Variants in DLGAP1 observed in about 807,000 individuals in gnomAD.
DLGAP1 encodes the protein DLG associated protein 1.
In DLGAP1, 11 loss-of-function variants were observed where a neutral mutation model predicts 90.8. The observed-to-expected ratio is 0.12, with a 90% CI of 0.08 to 0.20. The LOEUF is 0.20. Ranked by LOEUF, DLGAP1 falls within the 10% of genes least tolerant of loss-of-function variation. The pLI is 1.00. For synonymous variants in DLGAP1, 558 were observed against 540.7 expected, an observed-to-expected ratio of 1.03 and a Z score of -0.44; for missense variants, 1,050 against 1,333.8, an observed-to-expected ratio of 0.79 and a Z score of 3.31.
intron 3 of DLGAP1, among the ~76,000 whole-genome samples, chr18:3,975,493 A>T (rs763652458): frequency 6.6e-6 from 1 of 152,176 alleles, no homozygotes. Context: ...CCTTGAACGC[A>T]CTCACTGTGG....
At chr18:3,928,157 C>G (rs146118149) in intron 3 of DLGAP1, among the ~76,000 whole-genome samples, 3 of 152,308 alleles carry the variant, frequency 2.0e-5, no homozygotes, top group Non-Finnish European at 4.4e-5. Context: ...TTGTATCTAT[C>G]TGCATTTGTA....
At chr18:3,805,267 T>C (rs1246313263) in intron 5 of DLGAP1, among the ~76,000 whole-genome samples, 4 of 152,240 alleles carry the variant, frequency 2.6e-5, no homozygotes, top group Non-Finnish European at 5.9e-5. Context: ...ACAAGTGTTC[T>C]GTGCTTGTAA....
intron 1 of DLGAP1, among the ~76,000 whole-genome samples, chr18:4,198,868 T>A (rs2077553350): frequency 6.6e-6 from 1 of 152,216 alleles, no homozygotes; most frequent in African/African-American, 2.4e-5. Context: ...TCATTCTTAT[T>A]AACTTGCATT....
chr18:4,159,761 A>G (rs2144494574), intron 1 of DLGAP1, among the ~76,000 whole-genome samples: 1 of 152,308 alleles, frequency 6.6e-6, no homozygotes, highest in Non-Finnish European at 1.5e-5. Context: ...GGCTTATTTC[A>G]TTTCTTTAAA....
intron 1 of DLGAP1, among the ~76,000 whole-genome samples, chr18:4,443,866 C>T (rs541469805): frequency 3.3e-5 from 5 of 152,250 alleles, no homozygotes; most frequent in South Asian, 2.1e-4. Flanking sequence ...ACTGTGTTAC[C>T]GTAACAATAA....
chr18:4,166,015 C>T (rs1472873263), intron 1 of DLGAP1, among the ~76,000 whole-genome samples: 1 of 151,956 alleles, frequency 6.6e-6, no homozygotes, highest in Admixed American at 6.6e-5. Context: ...AAAAATTAGC[C>T]AGGCATGGTG....
chr18:4,011,175 CAAA>C (rs35493947), intron 2 of DLGAP1, among the ~76,000 whole-genome samples: 321 of 97,194 alleles, frequency 3.3e-3, no homozygotes, highest in African/African-American at 8.5e-3. Flanking sequence ...GATTCCGCCT[CAAA>C]AAAAAAAAAA....
rs993169419 is a variant in DLGAP1 at position 3,565,868 on chromosome 18, A to C, written c.2057+1622T>G. 1.1e-4 allele frequency among the ~76,000 whole-genome samples: 17 copies of C among 152,044 alleles called. No individual in the cohort carries two copies. Among genetic ancestry groups the C allele is most frequent in the African/African-American group, 3.1e-4 (13 of 41,374 alleles). On this transcript the variant is annotated intron_variant, in intron 9 of 12. Coordinates refer to ENST00000315677, the MANE Select transcript of DLGAP1 (RefSeq NM_004746.4). This position sits in a 1 kb window ranked among gnomAD's most constrained non-coding sequence, Gnocchi z 4.0. Reference sequence around the variant, plus strand: ...CACACACAAAAAACAAACAAACAAAAAAAAATGATTACTAAAACTTTTCAG... The same window carrying C: ...CACACACAAAAAACAAACAAACAAACAAAAATGATTACTAAAACTTTTCAG...
intron 1 of DLGAP1, among the ~76,000 whole-genome samples, chr18:4,256,944 G>A (rs2078899733): frequency 6.6e-6 from 1 of 152,132 alleles, no homozygotes; most frequent in South Asian, 2.1e-4. Context: ...CACAGAGCAC[G>A]TGTGAACAGC....
intron 1 of DLGAP1, among the ~76,000 whole-genome samples, chr18:4,213,101 A>G (rs958171803): frequency 3.3e-5 from 5 of 152,190 alleles, no homozygotes; most frequent in Admixed American, 3.3e-4. Flanking sequence ...CAAAGCATGA[A>G]ATTAGACTTT....
chr18:3,504,697 T>C (rs1223366317), intron 11 of DLGAP1, among the ~76,000 whole-genome samples: 3 of 152,210 alleles, frequency 2.0e-5, no homozygotes, highest in Non-Finnish European at 4.4e-5. Flanking sequence ...TTTTCTTGAA[T>C]GTATTTAACT....
At chr18:4,310,212 G>A (rs932314202) in intron 1 of DLGAP1, among the ~76,000 whole-genome samples, 2 of 152,152 alleles carry the variant, frequency 1.3e-5, no homozygotes, top group Non-Finnish European at 2.9e-5. Context: ...TCATTCAGAA[G>A]ATACTTTCCA....
intron 5 of DLGAP1, among the ~76,000 whole-genome samples, chr18:3,808,846 C>T (rs958080610): frequency 6.6e-6 from 1 of 152,094 alleles, no homozygotes; most frequent in African/African-American, 2.4e-5. Context: ...ACAAAAGAGA[C>T]TCCAGCAAGA....
chr18:4,397,282 A>G (rs1248440459), intron 1 of DLGAP1, among the ~76,000 whole-genome samples: 1 of 152,234 alleles, frequency 6.6e-6, no homozygotes, highest in Non-Finnish European at 1.5e-5. Context: ...TTAGAAGGCT[A>G]TATTTCCTTA....
chr18:3,811,144 G>A (rs1461543515), intron 5 of DLGAP1, among the ~76,000 whole-genome samples: 1 of 152,194 alleles, frequency 6.6e-6, no homozygotes, highest in African/African-American at 2.4e-5. Flanking sequence ...ATTGTATGCA[G>A]TTGAAGATGA....
chr18:4,281,387 C>A (rs507621), intron 1 of DLGAP1, among the ~76,000 whole-genome samples: 41,159 of 151,860 alleles, frequency 0.27, 6,357 homozygotes, highest in African/African-American at 0.42. Context: ...TCCGTCTGTA[C>A]TAAAAAAATA....
rs932852222 is a variant in DLGAP1, at chr18:3,804,133, C to T, written c.1172+9926G>A. ...CTGAGTAGCTGGGATCACAGGCGCA[C>T]GCCACCACACCCAGCTAATGTTTGT... is the stretch of plus-strand genomic sequence containing the variant. On this transcript the variant is annotated intron_variant, in intron 5 of 12. Coordinates refer to ENST00000315677, the MANE Select transcript of DLGAP1 (RefSeq NM_004746.4). Among the ~76,000 whole-genome samples the T allele has an allele frequency of 3.2e-4, 48 of 151,642 alleles. 1 individual carries two copies. Among genetic ancestry groups the T allele is most frequent in the African/African-American group, 9.7e-4 (40 of 41,270 alleles).
chr18:3,731,549 A>G (rs991153179), intron 6 of DLGAP1, among the ~76,000 whole-genome samples: 3 of 149,026 alleles, frequency 2.0e-5, no homozygotes, highest in African/African-American at 7.4e-5. Context: ...CTGGGACCAC[A>G]GGTACGCACC....
At chr18:3,809,736 G>C (rs1436169035) in intron 5 of DLGAP1, among the ~76,000 whole-genome samples, 1 of 152,172 alleles carries the variant, frequency 6.6e-6, no homozygotes, top group East Asian at 1.9e-4. Flanking sequence ...ACAGATATTT[G>C]AATTTAACTT....
Sources: allele counts gnomAD v4.1 joint callset (sites outside exome capture counted in the v4.1 genomes callset), GRCh38; gene constraint gnomAD v4.1.1; non-coding constraint Gnocchi (gnomAD v3.1); transcripts MANE v1.5; gene names NCBI Gene and HGNC (gene_info 2026-07-23, HGNC 2026-07-21).